Variants in DRC11 observed in about 807,000 individuals in gnomAD.
The protein encoded by DRC11 is dynein regulatory complex subunit 11.
chr2:236,372,103 G>A, the DRC11 span, among the ~76,000 whole-genome samples: 1 of 152,026 alleles, frequency 6.6e-6, no homozygotes, highest in Non-Finnish European at 1.5e-5. This position sits in a 1 kb window ranked among gnomAD's most constrained non-coding sequence, Gnocchi z 4.5. Context: ...AGGTGCTTTC[G>A]ACCGCAGCAT....
chr2:236,337,067 C>T, the DRC11 span, among the ~76,000 whole-genome samples: 244 of 152,308 alleles, frequency 1.6e-3, no homozygotes, highest in Middle Eastern at 3.4e-3. The surrounding 1 kb of genome is among the most constrained non-coding windows in gnomAD (Gnocchi z 4.9). Context: ...ACATAGGCCC[C>T]GCTCAGTGCC....
chr2:236,340,817 A>C, the DRC11 span, among the ~76,000 whole-genome samples: 6 of 152,284 alleles, frequency 3.9e-5, no homozygotes, highest in African/African-American at 1.4e-4. Flanking sequence ...ACAAACGTTG[A>C]TTCTGGGCAA....
chr2:236,372,052 G>A, the DRC11 span, among the ~76,000 whole-genome samples: 5 of 152,062 alleles, frequency 3.3e-5, no homozygotes, highest in African/African-American at 9.7e-5. This position sits in a 1 kb window ranked among gnomAD's most constrained non-coding sequence, Gnocchi z 4.5. Flanking sequence ...TTTTTTAAAC[G>A]TCTAAACCCT....
chr2:236,443,983 T>TG, the DRC11 span, among the ~76,000 whole-genome samples: 1 of 152,078 alleles, frequency 6.6e-6, no homozygotes, highest in African/African-American at 2.4e-5. This position sits in a 1 kb window ranked among gnomAD's most constrained non-coding sequence, Gnocchi z 4.4. Flanking sequence ...ACATGAATTT[T>TG]TTTTTTTTTT....
the DRC11 span, among the ~76,000 whole-genome samples, chr2:236,357,005 T>C: frequency 1.0e-5 from 1 of 99,308 alleles, no homozygotes; most frequent in Admixed American, 1.2e-4. Context: ...TATATTTATA[T>C]ATTCATATAT....
At chr2:236,447,301 T>C in the DRC11 span, among the ~76,000 whole-genome samples, 1 of 151,172 alleles carries the variant, frequency 6.6e-6, no homozygotes, top group Non-Finnish European at 1.5e-5. This position sits in a 1 kb window ranked among gnomAD's most constrained non-coding sequence, Gnocchi z 4.6. Context: ...CATGCTGGAG[T>C]AGGAGGGCCC....
the DRC11 span, among the ~76,000 whole-genome samples, chr2:236,480,262 C>T: frequency 6.6e-6 from 1 of 151,970 alleles, no homozygotes; most frequent in Admixed American, 6.6e-5. Context: ...CCTTCCTATA[C>T]TTGGATATTT....
the DRC11 span, among the ~76,000 whole-genome samples, chr2:236,383,835 C>T: frequency 3.3e-5 from 5 of 151,024 alleles, no homozygotes; most frequent in South Asian, 6.4e-4. Context: ...CCACAACAGT[C>T]CCCAGAGTGT....
the DRC11 span, among the ~76,000 whole-genome samples, chr2:236,490,728 T>C: frequency 1.3e-5 from 2 of 151,984 alleles, no homozygotes; most frequent in Admixed American, 1.3e-4. The surrounding 1 kb of genome is among the most constrained non-coding windows in gnomAD (Gnocchi z 5.5). Context: ...ACAGTGGATA[T>C]TAATGTAGGA....
the DRC11 span, among the ~76,000 whole-genome samples, chr2:236,447,004 C>T: frequency 5.9e-3 from 893 of 151,614 alleles, 46 homozygotes; most frequent in African/African-American, 0.021. This position sits in a 1 kb window ranked among gnomAD's most constrained non-coding sequence, Gnocchi z 4.6. Flanking sequence ...GACACTCCCC[C>T]GTAGATCTGC....
At chr2:236,408,141 A>C in the DRC11 span, 1 of 682,826 alleles carries the variant, frequency 1.5e-6, no homozygotes, top group Non-Finnish European at 2.8e-6. The surrounding 1 kb of genome is among the most constrained non-coding windows in gnomAD (Gnocchi z 5.5). Flanking sequence ...TATTCTTGTC[A>C]GGAAGGTCAT....
At chr2:236,392,498 T>C in the DRC11 span, 1 of 475,134 alleles carries the variant, frequency 2.1e-6, no homozygotes, top group Non-Finnish European at 3.7e-6. This position sits in a 1 kb window ranked among gnomAD's most constrained non-coding sequence, Gnocchi z 5.1. Flanking sequence ...AGGATAAAAG[T>C]TTGAATAAAA....
the DRC11 span, among the ~76,000 whole-genome samples, chr2:236,470,287 T>A: frequency 6.6e-6 from 1 of 152,206 alleles, no homozygotes; most frequent in African/African-American, 2.4e-5. This position sits in a 1 kb window ranked among gnomAD's most constrained non-coding sequence, Gnocchi z 5.1. Context: ...CAGCTCGCTG[T>A]CTTGCCGGAG....
chr2:236,362,703 G>A, the DRC11 span, among the ~76,000 whole-genome samples: 1 of 152,046 alleles, frequency 6.6e-6, no homozygotes, highest in African/African-American at 2.4e-5. The surrounding 1 kb of genome is among the most constrained non-coding windows in gnomAD (Gnocchi z 5.7). Context: ...ATCAACTGTA[G>A]GTAAATGACT....
chr2:236,425,880 CAA>C, the DRC11 span, among the ~76,000 whole-genome samples: 3 of 151,972 alleles, frequency 2.0e-5, no homozygotes, highest in South Asian at 2.1e-4. Context: ...AACCATTTAT[CAA>C]AGAGACTTAT....
At chr2:236,336,833 C>T in the DRC11 span, among the ~76,000 whole-genome samples, 1 of 152,204 alleles carries the variant, frequency 6.6e-6, no homozygotes, top group African/African-American at 2.4e-5. The surrounding 1 kb of genome is among the most constrained non-coding windows in gnomAD (Gnocchi z 7.3). Context: ...CATTCACACC[C>T]GTGTGTCCTC....
chr2:236,442,626 G>A, the DRC11 span, among the ~76,000 whole-genome samples: 1 of 152,052 alleles, frequency 6.6e-6, no homozygotes, highest in Non-Finnish European at 1.5e-5. Flanking sequence ...TTTGTCCTCA[G>A]GTCTCGGTCA....
At chr2:236,454,323 C>T in the DRC11 span, among the ~76,000 whole-genome samples, 11 of 152,180 alleles carry the variant, frequency 7.2e-5, no homozygotes, top group South Asian at 1.0e-3. The surrounding 1 kb of genome is among the most constrained non-coding windows in gnomAD (Gnocchi z 5.3). Context: ...TGTAATTTCA[C>T]GCGAGCTGTG....
At chr2:236,390,628 C>T in the DRC11 span, among the ~76,000 whole-genome samples, 2 of 152,138 alleles carry the variant, frequency 1.3e-5, no homozygotes, top group Non-Finnish European at 2.9e-5. The surrounding 1 kb of genome is among the most constrained non-coding windows in gnomAD (Gnocchi z 5.9). Flanking sequence ...AAGACAGGCC[C>T]AACGCTGATT....
Sources: gnomAD v4.1 joint callset for allele counts (sites outside exome capture counted in the v4.1 genomes callset) on GRCh38, gnomAD v4.1.1 for gene constraint, Gnocchi (gnomAD v3.1) non-coding constraint, MANE v1.5 for transcripts, NCBI Gene and HGNC (gene_info 2026-07-23, HGNC 2026-07-21) for gene names.